Variants in FKBP4 observed in about 807,000 individuals in gnomAD.
FKBP4 encodes the protein peptidyl-prolyl cis-trans isomerase FKBP4.
Under a neutral mutation model 54.1 loss-of-function variants are expected in FKBP4, and 28 were observed. That is an observed-to-expected ratio of 0.52 (90% CI 0.38 to 0.71). FKBP4 has a LOEUF of 0.71. Ranked by LOEUF, FKBP4 falls within the 30% of genes least tolerant of loss-of-function variation. The probability of loss-of-function intolerance (pLI) is 0.00; values close to 1 mark genes in which losing one functional copy is unlikely to be tolerated. For synonymous variants in FKBP4, 223 were observed against 216.1 expected (o/e 1.03, Z -0.28); for missense variants, 493 against 574.4 (o/e 0.86, Z 1.45).
intron 1 of FKBP4, chr12:2,796,492 TAAAGA>T: frequency 8.3e-7 from 1 of 1,205,418 alleles, no homozygotes; most frequent in Non-Finnish European, 1.1e-6. Flanking sequence ...CAGGTGGCGC[TAAAGA>T]AGCCTTTACG....
intron 9 of FKBP4, among the ~76,000 whole-genome samples, chr12:2,802,205 T>C (rs1217098468): frequency 6.6e-6 from 1 of 152,200 alleles, no homozygotes; most frequent in Non-Finnish European, 1.5e-5. Flanking sequence ...TGGCATGATC[T>C]TGGCTCACTG....
At position 2,801,269 on chromosome 12, in the gene FKBP4, G is replaced by T. The variant is rs779472768; in HGVS notation, c.1185G>T (p.Val395=). 2 of 1,613,930 alleles carry T rather than the reference G, an allele frequency of 1.2e-6. No individual in the cohort carries two copies. The highest frequency in any genetic ancestry group is 2.2e-5 in the East Asian group (1 of 44,886). Residue 395 remains valine (V), a synonymous_variant, in exon 9 of 10, where the codon GTG becomes GTT. Transcript: ENST00000001008. ...NNKAAKTQLA[V]CQQRIRRQLA... is the part of the protein sequence containing the mutation. ...AAGCCGCCAAGACCCAGCTGGCTGT[G>T]TGCCAGCAGCGGATCCGAAGGCAGC...
rs537827098 is a variant in FKBP4 at position 2,804,875 on chromosome 12, A to G, written c.*1617A>G. On this transcript the variant is annotated 3_prime_UTR_variant, in exon 10 of 10. Transcript: ENST00000001008. ...GGATGCAGAGAACTGTGACTGTGCCACTGCACGCCAGCCTGGGCAAGAGAG... is the reference window on the plus strand; with the variant it reads ...GGATGCAGAGAACTGTGACTGTGCCGCTGCACGCCAGCCTGGGCAAGAGAG... The G allele has an allele frequency of 6.6e-4, 127 of 193,704 alleles. 1 individual carries two copies. In the South Asian group the frequency reaches 9.7e-3, roughly 15 times the overall value. 12.0% of individuals were successfully genotyped at this position (193,704 alleles called of 1,614,324 possible).
chr12:2,797,088 C>T (rs2097902258), intron 1 of FKBP4, 50 bp from the exon 2 acceptor site: 1 of 1,607,340 alleles, frequency 6.2e-7, no homozygotes, highest in Admixed American at 1.7e-5. Context: ...TGCTGGTGCC[C>T]CTTTCTGCCC....
Position 2,799,956 on chromosome 12 carries a change from G to A in FKBP4, c.762+16G>A. On this transcript the variant is annotated intron_variant, in intron 6 of 9. Coordinates refer to ENST00000001008, the MANE Select transcript of FKBP4 (RefSeq NM_002014.4). ...TTTTGAAAAGGTAAGTTTGCTCAGG[G>A]TCTTCCCATCTAAAGTCAAGTTCCA... The A allele has an allele frequency of 6.2e-7, 1 of 1,613,834 alleles. No individual in the cohort carries two copies. The highest frequency in any genetic ancestry group is 8.5e-7 in the Non-Finnish European group (1 of 1,179,694).
Position 2,797,820 on chromosome 12 carries a change from T to G in FKBP4, c.342T>G (p.Gly114=). ...HITCKPEYAY[G]SAGSPPKIPP... is the part of the protein sequence containing the mutation. ...CCTGCAAACCAGAATATGCCTACGG[T>G]TCAGCAGGCAGTCCTCCAAAGATTC... The change falls in exon 3 of 10, where the codon GGT becomes GGG. Residue 114 remains glycine (G), a synonymous_variant. Coordinates refer to ENST00000001008, the MANE Select transcript of FKBP4 (RefSeq NM_002014.4). 6.2e-7 allele frequency: 1 copy of G among 1,613,986 alleles called. No individual in the cohort carries two copies. The highest frequency in any genetic ancestry group is 8.5e-7 in the Non-Finnish European group (1 of 1,179,946).
intron 1 of FKBP4, chr12:2,796,011 G>T: frequency 8.7e-7 from 1 of 1,152,816 alleles, no homozygotes; most frequent in Non-Finnish European, 1.1e-6. Flanking sequence ...GCCTGCCGCC[G>T]AGTGACCGCT....
chr12:2,799,265 AG>A (rs1303292460), intron 5 of FKBP4, 21 bp downstream of exon 5: 4 of 1,471,378 alleles, frequency 2.7e-6, no homozygotes, highest in Non-Finnish European at 3.6e-6. Context: ...GGCACTTCGT[AG>A]GGTAGGCAGG....
At chr12:2,801,075 C>T in intron 8 of FKBP4, 42 bp from the exon 9 acceptor site, 1 of 1,610,158 alleles carries the variant, frequency 6.2e-7, no homozygotes, top group Non-Finnish European at 8.5e-7. Context: ...GAGCTACAAG[C>T]CCTGAGCTCC....
chr12:2,804,704 TC>T lies in FKBP4; in HGVS notation c.*1448del. The T allele has an allele frequency of 6.4e-6, 1 of 156,662 alleles. No homozygotes were observed. Among genetic ancestry groups the T allele is most frequent in the East Asian group, 1.9e-4 (1 of 5,262 alleles). The allele number at this position is 156,662 out of a possible 1,614,324, so 9.7% of individuals were successfully genotyped here. A position where few individuals can be genotyped will look rare whatever the true frequency, so the allele number is the denominator to read the frequency against. On this transcript the variant is annotated 3_prime_UTR_variant, in exon 10 of 10. Coordinates refer to ENST00000001008, the MANE Select transcript of FKBP4 (RefSeq NM_002014.4). ...TTAGCCACATGCCTGTATAGTTCCT[TC>T]CAGAAGAAATGTATAATGGTGGAAG...
chr12:2,797,065 G>A, intron 1 of FKBP4, 73 bp from the exon 2 acceptor site: 1 of 1,590,518 alleles, frequency 6.3e-7, no homozygotes, highest in Non-Finnish European at 8.6e-7. Context: ...TCCCTCTGGA[G>A]GCTTGCAGGC....
chr12:2,801,794 A>G (rs1407075286), intron 9 of FKBP4: 3 of 337,848 alleles, frequency 8.9e-6, no homozygotes, highest in African/African-American at 6.5e-5. Flanking sequence ...GTGATTAAAT[A>G]AATAATACAC....
chr12:2,803,006 G>A (rs888497837), intron 9 of FKBP4, 145 bp from the exon 10 acceptor site: 3 of 610,436 alleles, frequency 4.9e-6, no homozygotes, highest in Admixed American at 5.0e-5. Context: ...GGGATTACAG[G>A]CATAAGCCAC....
chr12:2,796,313 T>C (rs1341516276), intron 1 of FKBP4: 4 of 1,289,068 alleles, frequency 3.1e-6, no homozygotes, highest in Non-Finnish European at 4.0e-6. Flanking sequence ...CTGTGGCATG[T>C]GACTTCCCCT....
rs1178705412 is a variant in FKBP4, at chr12:2,803,163, G to C, written c.1285G>C (p.Ala429Pro). ...AEEENKAKAEASSGDHPTDTE... is the reference protein window; with the variant it reads ...AEEENKAKAEPSSGDHPTDTE... ...ATCTTCCTTGCAGGCCAAGGCAGAG[G>C]CTTCCTCAGGAGACCATCCCACTGA... is the stretch of plus-strand genomic sequence containing the variant. The change falls in exon 10 of 10, where the codon GCT (alanine) becomes CCT (proline). Residue 429 changes from alanine (A) to proline (P), a missense_variant. Transcript: ENST00000001008. The C allele has an allele frequency of 3.7e-6, 6 of 1,603,874 alleles. No homozygotes were observed. In the Admixed American group the frequency reaches 6.8e-5, roughly 18 times the overall value.
Position 2,795,321 on chromosome 12 carries a change from G to A in FKBP4, c.105+77G>A, listed in dbSNP as rs2153918687. On this transcript the variant is annotated intron_variant, in intron 1 of 9. Transcript: ENST00000001008. This position sits in a 1 kb window ranked among gnomAD's most constrained non-coding sequence, Gnocchi z 4.3. ...CGCCCTTCCGCCGCGCCCGGAGCCC[G>A]CGGCCGGGCACGGGTCGAGGCGGCC... 1.3e-6 allele frequency: 1 copy of A among 774,286 alleles called. No homozygotes were observed. Among genetic ancestry groups the A allele is most frequent in the Non-Finnish European group, 1.7e-6 (1 of 599,828 alleles). The allele number at this position is 774,286 out of a possible 1,614,324, so 48.0% of individuals were successfully genotyped here. A position where few individuals can be genotyped will look rare whatever the true frequency, so the allele number is the denominator to read the frequency against.
At position 2,803,256 on chromosome 12, in the gene FKBP4, T is replaced by C. The variant is rs867415332; in HGVS notation, c.1378T>C (p.Ter460GlnextTer30). 24 of 1,572,080 alleles carry C rather than the reference T, an allele frequency of 1.5e-5. No individual in the cohort carries two copies. The Middle Eastern group carries it at 2.6e-3, about 170-fold the overall frequency. ...CCAGTCTCAGGTGGAGACAGAAGCATAGCCCCTCTCCACCAGCCCTACTCC... is the reference window on the plus strand; with the variant it reads ...CCAGTCTCAGGTGGAGACAGAAGCACAGCCCCTCTCCACCAGCCCTACTCC... ...GSQSQVETEA* is the reference protein window; with the variant it reads ...GSQSQVETEAQ The change falls in exon 10 of 10, where the codon TAG becomes CAG. Residue 460 changes from the stop codon to glutamine (Q), a stop_lost. Transcript: ENST00000001008.
chr12:2,798,175 T>C lies in FKBP4; in HGVS notation c.393+304T>C, dbSNP rs61023901. 5.5e-3 allele frequency among the ~76,000 whole-genome samples: 844 copies of C among 152,350 alleles called. 18 individuals carry two copies. Among genetic ancestry groups the C allele is most frequent in the African/African-American group, 0.019 (809 of 41,584 alleles). ...AAAGGAGTCGGGATGTCAGAAACTA[T>C]GTCCCGTTATAAATGGCAGTACAGA... On this transcript the variant is annotated intron_variant, in intron 3 of 9. Transcript: ENST00000001008. The surrounding 1 kb of genome is among the most constrained non-coding windows in gnomAD (Gnocchi z 4.3).
chr12:2,805,399 G>A lies in FKBP4; in HGVS notation c.*2141G>A. 4 of 279,498 alleles carry A rather than the reference G, an allele frequency of 1.4e-5. No individual in the cohort carries two copies. The highest frequency in any genetic ancestry group is 1.3e-4 in the South Asian group (4 of 30,926). 17.3% of individuals were successfully genotyped at this position (279,498 alleles called of 1,614,324 possible). On this transcript the variant is annotated 3_prime_UTR_variant, in exon 10 of 10. Transcript: ENST00000001008. ...TCTTAGTTTATGTAACATTAAAACT[G>A]TCTAGTGAGGATGTTTTGTTAAAAT...
Sources: gnomAD v4.1 joint callset for allele counts (sites outside exome capture counted in the v4.1 genomes callset) on GRCh38, gnomAD v4.1.1 for gene constraint, Gnocchi (gnomAD v3.1) non-coding constraint, MANE v1.5 for transcripts, NCBI Gene and HGNC (gene_info 2026-07-23, HGNC 2026-07-21) for gene names.